HEATR5B: variants seen among roughly 807,000 people sequenced by gnomAD.
The protein encoded by HEATR5B is HEAT repeat-containing protein 5B.
In HEATR5B, 156 loss-of-function variants were observed where a neutral mutation model predicts 224.1. The observed-to-expected ratio is 0.70, with a 90% CI of 0.61 to 0.80. The LOEUF is 0.80. Among genes scored for constraint, HEATR5B ranks in the 30% least tolerant of loss-of-function variants. The pLI is 0.00. For synonymous variants in HEATR5B, 1,027 were observed against 893.0 expected, an observed-to-expected ratio of 1.15 and a Z score of -2.68; for missense variants, 2,323 against 2,535.5, an observed-to-expected ratio of 0.92 and a Z score of 1.80.
chr2:37,061,279 T>C (rs1468780477), intron 11 of HEATR5B, among the ~76,000 whole-genome samples: 1 of 152,166 alleles, frequency 6.6e-6, no homozygotes, highest in East Asian at 1.9e-4. Context: ...CCACTGAACA[T>C]ACTTAACATA....
chr2:37,080,356 A>G (rs1275644706), intron 2 of HEATR5B, among the ~76,000 whole-genome samples: 2 of 152,188 alleles, frequency 1.3e-5, no homozygotes, highest in Non-Finnish European at 2.9e-5. Flanking sequence ...AATACTCTAT[A>G]TGGTCCATAA....
chr2:37,025,432 C>A (rs77637184), intron 24 of HEATR5B, among the ~76,000 whole-genome samples: 3,206 of 151,170 alleles, frequency 0.021, 107 homozygotes, highest in African/African-American at 0.074. Context: ...AATGGCTAAT[C>A]TCTGGAAACA....
intron 24 of HEATR5B, among the ~76,000 whole-genome samples, chr2:37,026,156 CAG>C (rs1280433152): frequency 6.6e-6 from 1 of 152,158 alleles, no homozygotes; most frequent in Non-Finnish European, 1.5e-5. Flanking sequence ...GAAGAAGCAT[CAG>C]AGAGATTTAA....
chr2:36,984,914 G>C (rs6709006), intron 35 of HEATR5B, among the ~76,000 whole-genome samples: 31,563 of 152,038 alleles, frequency 0.21, 4,243 homozygotes, highest in East Asian at 0.64. Flanking sequence ...TTGAAACCTA[G>C]AGAAATTTCA....
chr2:37,019,117 G>C (rs1668305575), intron 26 of HEATR5B, among the ~76,000 whole-genome samples: 1 of 151,896 alleles, frequency 6.6e-6, no homozygotes, highest in Non-Finnish European at 1.5e-5. Flanking sequence ...GAGATCGCAT[G>C]CCACTGTGCT....
At chr2:37,060,846 A>G (rs1235969581) in intron 11 of HEATR5B, 113 bp from the exon 12 acceptor site, 2 of 718,544 alleles carry the variant, frequency 2.8e-6, no homozygotes, top group Admixed American at 3.1e-5. Flanking sequence ...ATGAAAATAG[A>G]GTAAAATACT....
intron 16 of HEATR5B, among the ~76,000 whole-genome samples, chr2:37,055,964 C>G (rs959754499): frequency 6.6e-6 from 1 of 152,146 alleles, no homozygotes; most frequent in Admixed American, 6.5e-5. Flanking sequence ...TGTTAGTTTC[C>G]AAGTTCTAGA....
chr2:37,047,862 T>A (rs1024799963), intron 18 of HEATR5B, among the ~76,000 whole-genome samples: 2 of 152,342 alleles, frequency 1.3e-5, no homozygotes, highest in African/African-American at 4.8e-5. Context: ...TACAGCCAGA[T>A]TCTGCCAAAT....
chr2:37,043,639 ATT>A (rs1018259690), intron 18 of HEATR5B, among the ~76,000 whole-genome samples: 1 of 152,050 alleles, frequency 6.6e-6, no homozygotes, highest in African/African-American at 2.4e-5. Context: ...AAGGGTGCTC[ATT>A]TTTCTTCAGT....
intron 24 of HEATR5B, among the ~76,000 whole-genome samples, chr2:37,027,588 C>A (rs185686885): frequency 6.6e-6 from 1 of 152,214 alleles, no homozygotes; most frequent in East Asian, 1.9e-4. Flanking sequence ...TAAAATTTTA[C>A]CATTTCCTTT....
At chr2:37,050,532 G>A (rs1488723472) in intron 17 of HEATR5B, among the ~76,000 whole-genome samples, 2 of 152,142 alleles carry the variant, frequency 1.3e-5, no homozygotes, top group African/African-American at 4.8e-5. Flanking sequence ...TATTTCACCT[G>A]TTATGAAACA....
At chr2:37,030,120 T>C (rs1335964036) in intron 22 of HEATR5B, among the ~76,000 whole-genome samples, 1 of 152,114 alleles carries the variant, frequency 6.6e-6, no homozygotes, top group African/African-American at 2.4e-5. Context: ...TGAGTATTAT[T>C]ACGCCCTCTG....
At chr2:36,992,849 C>T (rs1306405730) in intron 33 of HEATR5B, among the ~76,000 whole-genome samples, 7 of 151,900 alleles carry the variant, frequency 4.6e-5, no homozygotes, top group African/African-American at 1.2e-4. Context: ...CTCAGCCGCC[C>T]GAGGAGGTGG....
chr2:37,024,496 T>G (rs2148449972), intron 24 of HEATR5B, among the ~76,000 whole-genome samples: 1 of 152,266 alleles, frequency 6.6e-6, no homozygotes, highest in East Asian at 1.9e-4. Flanking sequence ...TTGTTGTACA[T>G]GATATATATA....
chr2:36,984,232 AT>A (rs1558687357), intron 35 of HEATR5B, among the ~76,000 whole-genome samples: 40 of 133,148 alleles, frequency 3.0e-4, no homozygotes, highest in Middle Eastern at 7.5e-3. Context: ...ATATATATAT[AT>A]ATATAAAACT....
At chr2:37,047,028 T>A in intron 18 of HEATR5B, among the ~76,000 whole-genome samples, 1 of 86,420 alleles carries the variant, frequency 1.2e-5, no homozygotes. Context: ...AGAACCAGAC[T>A]CCACCTCAAA....
chr2:37,062,888 A>G (rs1671368816), intron 10 of HEATR5B, among the ~76,000 whole-genome samples: 1 of 152,202 alleles, frequency 6.6e-6, no homozygotes, highest in African/African-American at 2.4e-5. Context: ...CCTGGGCTCA[A>G]GGGATCCTCC....
intron 26 of HEATR5B, among the ~76,000 whole-genome samples, chr2:37,019,184 T>C (rs568553939): frequency 1.3e-4 from 19 of 151,634 alleles, no homozygotes; most frequent in Non-Finnish European, 1.9e-4. Flanking sequence ...AAAATGTACG[T>C]TTTTTGGTGG....
chr2:37,017,060 G>C (rs754406484), intron 26 of HEATR5B, among the ~76,000 whole-genome samples: 1 of 152,174 alleles, frequency 6.6e-6, no homozygotes, highest in Admixed American at 6.5e-5. Flanking sequence ...TAAAAAATTG[G>C]GGAAAATTAT....
Sources: gnomAD v4.1 joint callset for allele counts (sites outside exome capture counted in the v4.1 genomes callset) on GRCh38, gnomAD v4.1.1 for gene constraint, MANE v1.5 for transcripts, NCBI Gene and HGNC (gene_info 2026-07-23, HGNC 2026-07-21) for gene names.